Variants in PMFBP1 observed in about 807,000 individuals in gnomAD.
PMFBP1 encodes the protein polyamine-modulated factor 1-binding protein 1.
Under a neutral mutation model 137.8 loss-of-function variants are expected in PMFBP1, and 131 were observed. That is an observed-to-expected ratio of 0.95 (90% CI 0.82 to 1.10). The LOEUF (loss-of-function observed/expected upper bound fraction) is 1.10, where lower values mean the gene tolerates loss of function less well. Among genes scored for constraint, PMFBP1 ranks in the 50% least tolerant of loss-of-function variants. The probability of loss-of-function intolerance (pLI) is 0.00; values close to 1 mark genes in which losing one functional copy is unlikely to be tolerated. For missense variants in PMFBP1, 1,199 were observed against 1,175.4 expected (o/e 1.02, Z -0.29); for synonymous variants, 490 against 450.4 (o/e 1.09, Z -1.11).
chr16:72,150,284 G>C (rs2042881990), intron 5 of PMFBP1, among the ~76,000 whole-genome samples: 1 of 152,170 alleles, frequency 6.6e-6, no homozygotes, highest in Non-Finnish European at 1.5e-5. Context: ...GGCAGAGGGA[G>C]ATGAGCTGTG....
At chr16:72,208,465 A>G in the PMFBP1 span, among the ~76,000 whole-genome samples, 1 of 152,250 alleles carries the variant, frequency 6.6e-6, no homozygotes, top group African/African-American at 2.4e-5. Context: ...CTTTTCCCCC[A>G]GCTTATTAAA....
chr16:72,121,858 G>C (rs217173), intron 19 of PMFBP1, among the ~76,000 whole-genome samples: 152,308 of 152,308 alleles, frequency 1, 76,154 homozygotes, highest in Non-Finnish European at 1. Flanking sequence ...AAACTCCTGG[G>C]CTCAAGTGAT....
the PMFBP1 span, among the ~76,000 whole-genome samples, chr16:72,204,782 C>T: frequency 6.6e-6 from 1 of 152,110 alleles, no homozygotes; most frequent in Non-Finnish European, 1.5e-5. Flanking sequence ...ACTGGAGTAC[C>T]AGCACCACCC....
chr16:72,151,847 T>C (rs2042906934), intron 4 of PMFBP1, among the ~76,000 whole-genome samples: 1 of 152,150 alleles, frequency 6.6e-6, no homozygotes, highest in African/African-American at 2.4e-5. Flanking sequence ...CATATTCAAC[T>C]CTGCCTGAGG....
At chr16:72,119,667 T>C (rs1199359308) in intron 20 of PMFBP1, 184 bp downstream of exon 20, 11 of 1,450,226 alleles carry the variant, frequency 7.6e-6, no homozygotes, top group African/African-American at 1.4e-5. Context: ...TGTTCTTAGA[T>C]CAGAAGGGGT....
intron 3 of PMFBP1, among the ~76,000 whole-genome samples, chr16:72,155,132 A>T (rs918757647): frequency 6.6e-6 from 1 of 151,914 alleles, no homozygotes; most frequent in Non-Finnish European, 1.5e-5. Flanking sequence ...TCATTCATTC[A>T]CTCAACAGAC....
At chr16:72,140,321 G>C in intron 6 of PMFBP1, 91 bp downstream of exon 6, 1 of 1,332,302 alleles carries the variant, frequency 7.5e-7, no homozygotes, top group Middle Eastern at 1.9e-4. Flanking sequence ...CGGCGAAAAA[G>C]ATTAATTTAG....
the PMFBP1 span, among the ~76,000 whole-genome samples, chr16:72,217,839 A>AAAAACAAAAC: frequency 6.6e-6 from 1 of 151,954 alleles, no homozygotes; most frequent in African/African-American, 2.4e-5. Context: ...AGTTTGTCTC[A>AAAAACAAAAC]AAAACAAAAC....
chr16:72,169,244 A>G (rs2043187431), intron 2 of PMFBP1, among the ~76,000 whole-genome samples: 1 of 152,204 alleles, frequency 6.6e-6, no homozygotes, highest in South Asian at 2.1e-4. Flanking sequence ...CAACCATTCA[A>G]TTTATGGTAA....
chr16:72,118,169 T>C (rs891612424), downstream of PMFBP1, among the ~76,000 whole-genome samples: 1 of 152,230 alleles, frequency 6.6e-6, no homozygotes, highest in Non-Finnish European at 1.5e-5. Context: ...TTAATGGCAT[T>C]GAACTTTAGT....
the PMFBP1 span, among the ~76,000 whole-genome samples, chr16:72,243,126 C>T: frequency 6.6e-6 from 1 of 152,228 alleles, no homozygotes; most frequent in Non-Finnish European, 1.5e-5. Context: ...AAAATGCCCC[C>T]AAGGGGCCCA....
In PMFBP1 at chr16:72,129,067, G is replaced by A. The variant is rs34832584; in HGVS notation, c.1949C>T (p.Thr650Met). The change falls in exon 13 of 21, where the codon ACG (threonine) becomes ATG (methionine). Residue 650 changes from threonine to methionine, a missense_variant and splice_region_variant. Physicochemically the swap from Thr to Met is moderately conservative, Grantham distance 81. Coordinates refer to ENST00000237353, the MANE Select transcript of PMFBP1 (RefSeq NM_031293.3). ...CTCTCCTGGGATTCTCCCACTCACC[G>A]TCTTGTCTTTCTTTTTAAATTCCTG... ...LRQEFKKKDKTLKENSRKLEE... is the reference protein window; with the variant it reads ...LRQEFKKKDKMLKENSRKLEE... 1.9e-5 allele frequency: 30 copies of A among 1,613,372 alleles called. No individual in the cohort carries two copies. Among genetic ancestry groups the A allele is most frequent in the Middle Eastern group, 3.3e-4 (2 of 6,074 alleles).
At chr16:72,239,901 GAAAAAAAA>G in the PMFBP1 span, among the ~76,000 whole-genome samples, 10 of 87,790 alleles carry the variant, frequency 1.1e-4, no homozygotes, top group African/African-American at 4.3e-4. Context: ...AAAAAAAAAA[GAAAAAAAA>G]AAAAAAAAGA....
At chr16:72,230,111 C>A in the PMFBP1 span, among the ~76,000 whole-genome samples, 1 of 152,176 alleles carries the variant, frequency 6.6e-6, no homozygotes, top group African/African-American at 2.4e-5. Flanking sequence ...TGGGCCAACA[C>A]ACGTAGAATC....
the PMFBP1 span, among the ~76,000 whole-genome samples, chr16:72,237,577 T>A: frequency 6.6e-6 from 1 of 152,194 alleles, no homozygotes; most frequent in Non-Finnish European, 1.5e-5. Flanking sequence ...TTTTTTGGCA[T>A]TAAATCTCTT....
At chr16:72,179,361 T>C (rs2043269049), upstream of PMFBP1, among the ~76,000 whole-genome samples, 1 of 152,200 alleles carries the variant, frequency 6.6e-6, no homozygotes, top group Non-Finnish European at 1.5e-5. Flanking sequence ...CATTTCTGAG[T>C]GTCATTTTAC....
the PMFBP1 span, among the ~76,000 whole-genome samples, chr16:72,232,105 A>G: frequency 3.3e-5 from 5 of 152,300 alleles, no homozygotes; most frequent in South Asian, 8.3e-4. Flanking sequence ...AGCCCTCATT[A>G]GAGAATATAT....
chr16:72,185,732 C>T, the PMFBP1 span, among the ~76,000 whole-genome samples: 9 of 152,152 alleles, frequency 5.9e-5, no homozygotes, highest in Non-Finnish European at 1.3e-4. Context: ...AGAGAAATAA[C>T]TGGCACATAG....
the PMFBP1 span, among the ~76,000 whole-genome samples, chr16:72,187,272 T>A: frequency 2.0e-5 from 3 of 152,190 alleles, no homozygotes; most frequent in Admixed American, 6.5e-5. Context: ...CTTCCATCCT[T>A]AGATGAGTCT....
Sources: allele counts gnomAD v4.1 joint callset (sites outside exome capture counted in the v4.1 genomes callset), GRCh38; gene constraint gnomAD v4.1.1; transcripts MANE v1.5; gene names NCBI Gene and HGNC (gene_info 2026-07-23, HGNC 2026-07-21).